Variants in TOPAZ1 observed in about 807,000 individuals in gnomAD.
TOPAZ1 encodes testis and ovary specific TOPAZ 1.
A neutral mutation model predicts 172.2 loss-of-function variants in TOPAZ1; 66 were observed. The ratio of observed to expected loss-of-function variants is 0.38; its 90% confidence interval spans 0.31 to 0.47. The LOEUF (loss-of-function observed/expected upper bound fraction) is 0.47. TOPAZ1 is among the 20% of genes least tolerant of loss of function. The pLI, the probability that TOPAZ1 is intolerant of heterozygous loss-of-function variation, is 0.99. For missense variants in TOPAZ1, 1,822 were observed against 1,972.4 expected (o/e 0.92, Z 1.44); for synonymous variants, 681 against 683.9 (o/e 1.00, Z 0.07).
intron 8 of TOPAZ1, among the ~76,000 whole-genome samples, chr3:44,277,577 G>A (rs1325484990): frequency 1.3e-5 from 2 of 152,154 alleles, no homozygotes; most frequent in African/African-American, 2.4e-5. Flanking sequence ...TCAGTATGAT[G>A]TTAGCTGCAG....
At chr3:44,333,962 C>T (rs777203914), downstream of TOPAZ1, among the ~76,000 whole-genome samples, 4 of 152,094 alleles carry the variant, frequency 2.6e-5, no homozygotes, top group African/African-American at 7.2e-5. Flanking sequence ...TAATTTGGAC[C>T]GTATTAGCCA....
At position 44,308,064 on chromosome 3, in the gene TOPAZ1, C is replaced by T. The variant is rs552505664; in HGVS notation, c.4140+1638C>T. On this transcript the variant is annotated intron_variant, in intron 15 of 19. Transcript: ENST00000309765. ...TGAGGCGGGGGCATCACTTGAGGTC[C>T]GGAGTTCAAGACCAGCCTAGCCAAC... Among the ~76,000 whole-genome samples the T allele has an allele frequency of 1.6e-4, 25 of 152,114 alleles. No homozygotes were observed. The South Asian group carries it at 3.3e-3, about 20-fold the overall frequency.
At chr3:44,302,186 A>C (rs1325168716) in intron 12 of TOPAZ1, among the ~76,000 whole-genome samples, 1 of 152,144 alleles carries the variant, frequency 6.6e-6, no homozygotes, top group Admixed American at 6.5e-5. Flanking sequence ...CGAGGTGGGC[A>C]GATCACGAGG....
rs143367255 is a variant in TOPAZ1 at position 44,291,808 on chromosome 3, T to C, written c.3797+922T>C. Among the ~76,000 whole-genome samples the C allele has an allele frequency of 1.0e-3, 154 of 152,250 alleles. No homozygotes were observed. In the East Asian group the frequency reaches 0.018, roughly 18 times the overall value. On this transcript the variant is annotated intron_variant, in intron 12 of 19. Transcript: ENST00000309765. ...TAGATTTGATAAAGAGCAAATCAAC[T>C]ACTGAAATCCTTCAGAATGCCCAGA...
Position 44,242,950 on chromosome 3 carries a change from C to A in TOPAZ1, c.444C>A (p.Phe148Leu). ...RKESLTSSES[F>L]QTVECLQSLG... ...AATCATTAACCAGTTCGGAATCTTT[C>A]CAAACAGTGGAATGCTTGCAGTCTT... The change falls in exon 2 of 20, where the codon TTC (phenylalanine) becomes TTA (leucine). Residue 148 changes from phenylalanine (F) to leucine (L), a missense_variant. Transcript: ENST00000309765. 6.4e-7 allele frequency: 1 copy of A among 1,550,696 alleles called. No homozygotes were observed. The highest frequency in any genetic ancestry group is 8.7e-7 in the Non-Finnish European group (1 of 1,146,782).
intron 11 of TOPAZ1, among the ~76,000 whole-genome samples, chr3:44,289,608 A>G (rs1357115035): frequency 6.6e-6 from 1 of 152,164 alleles, no homozygotes; most frequent in Non-Finnish European, 1.5e-5. Flanking sequence ...TTGGAGTTCA[A>G]AGGTGGGGAA....
At chr3:44,267,585 G>A (rs1256740156) in intron 6 of TOPAZ1, among the ~76,000 whole-genome samples, 1 of 152,056 alleles carries the variant, frequency 6.6e-6, no homozygotes, top group East Asian at 1.9e-4. Context: ...GTAAGCTACC[G>A]CGCCCAGCCT....
At chr3:44,284,553 G>A (rs1308536637) in intron 9 of TOPAZ1, among the ~76,000 whole-genome samples, 1 of 152,082 alleles carries the variant, frequency 6.6e-6, no homozygotes, top group Admixed American at 6.5e-5. Context: ...CTCCTTTTGG[G>A]TATTAGAGTA....
At chr3:44,294,867 A>G (rs961162580) in intron 12 of TOPAZ1, among the ~76,000 whole-genome samples, 3 of 152,222 alleles carry the variant, frequency 2.0e-5, no homozygotes, top group African/African-American at 7.2e-5. Context: ...ACAGAAGATA[A>G]GGCTGCTAGA....
intron 4 of TOPAZ1, among the ~76,000 whole-genome samples, chr3:44,260,634 G>T (rs1014565734): frequency 6.6e-6 from 1 of 151,932 alleles, no homozygotes; most frequent in Admixed American, 6.6e-5. Context: ...CTTAACATAT[G>T]AAAATATTTA....
chr3:44,266,066 T>C (rs1209638512), intron 5 of TOPAZ1, among the ~76,000 whole-genome samples: 4 of 152,192 alleles, frequency 2.6e-5, no homozygotes, highest in Admixed American at 1.3e-4. Flanking sequence ...GCACTTCCTG[T>C]TTGACCTTGC....
At chr3:44,267,289 C>CTTTTTT (rs71085610) in intron 6 of TOPAZ1, among the ~76,000 whole-genome samples, 153 bp downstream of exon 6, 1 of 104,630 alleles carries the variant, frequency 9.6e-6, no homozygotes, top group Non-Finnish European at 1.8e-5. Flanking sequence ...TTACTTAGTA[C>CTTTTTT]TTTTTTTTTT....
chr3:44,264,858 C>T (rs976030506), intron 5 of TOPAZ1, among the ~76,000 whole-genome samples: 9 of 152,222 alleles, frequency 5.9e-5, no homozygotes, highest in African/African-American at 1.9e-4. Flanking sequence ...CCATAAGAAG[C>T]AACTCTTAAT....
At chr3:44,292,807 C>A (rs1565214) in intron 12 of TOPAZ1, among the ~76,000 whole-genome samples, 71,985 of 152,036 alleles carry the variant, frequency 0.47, 17,990 homozygotes, top group East Asian at 0.81. Flanking sequence ...TCCAGAGCTT[C>A]TCTTCTGGTT....
chr3:44,284,253 G>A (rs866209214), intron 9 of TOPAZ1, among the ~76,000 whole-genome samples: 3 of 152,110 alleles, frequency 2.0e-5, no homozygotes, highest in Non-Finnish European at 4.4e-5. Context: ...AATGCCGTAT[G>A]CATTAAACAA....
At chr3:44,290,462 A>G (rs950183172) in intron 11 of TOPAZ1, among the ~76,000 whole-genome samples, 1 of 152,226 alleles carries the variant, frequency 6.6e-6, no homozygotes, top group African/African-American at 2.4e-5. Flanking sequence ...ATAATCAGGG[A>G]TGAGGTATGA....
chr3:44,248,275 C>G (rs1005006879), intron 2 of TOPAZ1, among the ~76,000 whole-genome samples: 11 of 152,100 alleles, frequency 7.2e-5, no homozygotes, highest in Admixed American at 4.6e-4. Context: ...ATCACTTTTT[C>G]CTGAGACAAC....
intron 9 of TOPAZ1, among the ~76,000 whole-genome samples, chr3:44,286,507 C>T (rs1348210765): frequency 6.6e-6 from 1 of 151,994 alleles, no homozygotes; most frequent in African/African-American, 2.4e-5. Context: ...TATTGTTATA[C>T]CATATTATTA....
chr3:44,320,987 T>A (rs1388372518), intron 16 of TOPAZ1, 40 bp from the exon 17 acceptor site: 3 of 1,350,416 alleles, frequency 2.2e-6, no homozygotes, highest in Middle Eastern at 1.9e-4. Flanking sequence ...AAGTGTCATT[T>A]TCATGGTATA....
Sources: gnomAD v4.1 joint callset for allele counts (sites outside exome capture counted in the v4.1 genomes callset) on GRCh38, gnomAD v4.1.1 for gene constraint, MANE v1.5 for transcripts, NCBI Gene and HGNC (gene_info 2026-07-23, HGNC 2026-07-21) for gene names.